The following ST6GALNAC3 variants were observed in gnomAD, a reference collection of about 807,000 sequenced individuals.
ST6GALNAC3 encodes alpha-N-acetylgalactosaminide alpha-2,6-sialyltransferase 3.
In ST6GALNAC3, 25 loss-of-function variants were observed where a neutral mutation model predicts 32.7. That is an observed-to-expected ratio of 0.76 (90% CI 0.56 to 1.07). The LOEUF is 1.07. Ranked by LOEUF, ST6GALNAC3 falls within the 50% of genes least tolerant of loss-of-function variation. The pLI is 0.00. For synonymous variants in ST6GALNAC3, 129 were observed against 133.1 expected (o/e 0.97, Z 0.21); for missense variants, 355 against 382.4 (o/e 0.93, Z 0.60).
At chr1:76,075,828 A>C (rs1374577849) in intron 1 of ST6GALNAC3, among the ~76,000 whole-genome samples, 1 of 152,174 alleles carries the variant, frequency 6.6e-6, no homozygotes, top group Non-Finnish European at 1.5e-5. Flanking sequence ...CTAGTTGTCC[A>C]AGCCTGGGGG....
chr1:76,174,429 T>C (rs1652715664), intron 1 of ST6GALNAC3, among the ~76,000 whole-genome samples: 1 of 151,626 alleles, frequency 6.6e-6, no homozygotes, highest in South Asian at 2.1e-4. Flanking sequence ...ATGTATCTCA[T>C]TGTTTTTTTT....
intron 2 of ST6GALNAC3, among the ~76,000 whole-genome samples, chr1:76,375,582 C>T (rs1293921936): frequency 7.2e-5 from 11 of 152,100 alleles, no homozygotes; most frequent in Admixed American, 2.0e-4. Flanking sequence ...CGTGAAGTGA[C>T]TAGAAGCCCA....
intron 1 of ST6GALNAC3, among the ~76,000 whole-genome samples, chr1:76,085,518 C>A (rs1646953032): frequency 6.6e-6 from 1 of 152,148 alleles, no homozygotes; most frequent in Non-Finnish European, 1.5e-5. Context: ...TGCCCAAAGT[C>A]TCATAGTGGG....
intron 2 of ST6GALNAC3, among the ~76,000 whole-genome samples, chr1:76,400,027 T>C (rs1477877516): frequency 2.6e-5 from 4 of 152,190 alleles, no homozygotes; most frequent in Non-Finnish European, 4.4e-5. Flanking sequence ...AAACTTTTTT[T>C]ATTTTTTCAT....
intron 1 of ST6GALNAC3, among the ~76,000 whole-genome samples, chr1:76,190,009 A>G (rs1050981848): frequency 6.6e-6 from 1 of 152,132 alleles, no homozygotes; most frequent in African/African-American, 2.4e-5. Flanking sequence ...TGTCAGATGG[A>G]TACTGTTTTC....
At chr1:76,425,074 G>T (rs1291445313) in intron 3 of ST6GALNAC3, among the ~76,000 whole-genome samples, 1 of 151,942 alleles carries the variant, frequency 6.6e-6, no homozygotes, top group Non-Finnish European at 1.5e-5. Flanking sequence ...GTTTAATTTT[G>T]TCAAGTCATG....
intron 1 of ST6GALNAC3, among the ~76,000 whole-genome samples, chr1:76,214,947 T>C (rs1213274210): frequency 6.6e-6 from 1 of 152,220 alleles, no homozygotes; most frequent in African/African-American, 2.4e-5. Flanking sequence ...CATTTCACTT[T>C]TCTGAATCAC....
chr1:76,235,667 C>T (rs763596502), intron 1 of ST6GALNAC3, among the ~76,000 whole-genome samples: 2 of 150,000 alleles, frequency 1.3e-5, no homozygotes, highest in East Asian at 3.9e-4. Context: ...ATAGGAATAC[C>T]CACCTGCAAT....
At chr1:76,335,545 A>G (rs889185450) in intron 2 of ST6GALNAC3, among the ~76,000 whole-genome samples, 46 of 152,326 alleles carry the variant, frequency 3.0e-4, no homozygotes, top group Middle Eastern at 3.4e-3. Flanking sequence ...CTGGAGTTCC[A>G]GAGAAAACCC....
rs147669869 is a variant in ST6GALNAC3 at position 76,115,755 on chromosome 1, G to T, written c.18+40871G>T. ...CCTTACCACCCATCACCTGCCAATTGGTTCCTGTCTATGTCAGTGTTTTGA... is the reference window on the plus strand; with the variant it reads ...CCTTACCACCCATCACCTGCCAATTTGTTCCTGTCTATGTCAGTGTTTTGA... On this transcript the variant is annotated intron_variant, in intron 1 of 4. Coordinates refer to ENST00000328299, the MANE Select transcript of ST6GALNAC3 (RefSeq NM_152996.4). 2.6e-5 allele frequency among the ~76,000 whole-genome samples: 4 copies of T among 152,160 alleles called. No homozygotes were observed. In the East Asian group the frequency reaches 7.7e-4, roughly 29 times the overall value.
intron 1 of ST6GALNAC3, among the ~76,000 whole-genome samples, chr1:76,124,231 C>T (rs1649085746): frequency 6.6e-6 from 1 of 152,026 alleles, no homozygotes; most frequent in South Asian, 2.1e-4. Flanking sequence ...TGCCCTTCCT[C>T]TTTGGGGAGA....
At position 76,632,133 on chromosome 1, in the gene ST6GALNAC3, T is replaced by C. The variant is rs1029633348; in HGVS notation, c.*3327T>C. On this transcript the variant is annotated 3_prime_UTR_variant, in exon 5 of 5. Coordinates refer to ENST00000328299, the MANE Select transcript of ST6GALNAC3 (RefSeq NM_152996.4). ...ATATATATAATCCTATATTCTTCAC[T>C]GGTGCATGTGAATCACAGAAAGCCC... 1 of 152,144 alleles carries C rather than the reference T, an allele frequency of 6.6e-6. No individual in the cohort carries two copies. The highest frequency in any genetic ancestry group is 1.5e-5 in the Non-Finnish European group (1 of 68,018). 9.4% of individuals were successfully genotyped at this position (152,144 alleles called of 1,614,324 possible).
intron 1 of ST6GALNAC3, among the ~76,000 whole-genome samples, chr1:76,264,822 C>G (rs567027986): frequency 2.6e-5 from 4 of 151,794 alleles, no homozygotes; most frequent in South Asian, 2.1e-4. Context: ...GATGGAGAAG[C>G]CTTTTTTGAC....
At chr1:76,541,272 C>T (rs563454046) in intron 3 of ST6GALNAC3, among the ~76,000 whole-genome samples, 2 of 152,150 alleles carry the variant, frequency 1.3e-5, no homozygotes, top group South Asian at 4.1e-4. Flanking sequence ...TGGGGTCCCT[C>T]CGGGGGAGTA....
chr1:76,365,067 A>G (rs1570976076), intron 2 of ST6GALNAC3, among the ~76,000 whole-genome samples: 2 of 152,324 alleles, frequency 1.3e-5, no homozygotes, highest in East Asian at 3.9e-4. Context: ...AGTCATGAAA[A>G]CAACCTAAGT....
chr1:76,468,422 G>GA (rs997764903), intron 3 of ST6GALNAC3, among the ~76,000 whole-genome samples: 23 of 151,998 alleles, frequency 1.5e-4, no homozygotes, highest in African/African-American at 5.6e-4. Flanking sequence ...TTTGCAAATA[G>GA]AAAATCCTGA....
chr1:76,305,895 A>G (rs1384897623), intron 1 of ST6GALNAC3: 1 of 517,560 alleles, frequency 1.9e-6, no homozygotes, highest in Non-Finnish European at 3.9e-6. Context: ...GATGACTTGA[A>G]CTCTGATATT....
intron 1 of ST6GALNAC3, among the ~76,000 whole-genome samples, chr1:76,102,853 C>T (rs1647283249): frequency 6.6e-6 from 1 of 151,732 alleles, no homozygotes; most frequent in Non-Finnish European, 1.5e-5. Context: ...TCTCTTTTTG[C>T]CTGAAGAACA....
intron 3 of ST6GALNAC3, among the ~76,000 whole-genome samples, chr1:76,466,897 G>T (rs1263939918): frequency 6.6e-6 from 1 of 152,038 alleles, no homozygotes; most frequent in Admixed American, 6.6e-5. Context: ...TTCAGATTTA[G>T]CTGTTAAATG....
Sources: allele counts gnomAD v4.1 joint callset (sites outside exome capture counted in the v4.1 genomes callset), GRCh38; gene constraint gnomAD v4.1.1; transcripts MANE v1.5; gene names NCBI Gene and HGNC (gene_info 2026-07-23, HGNC 2026-07-21).